Variants in SLC16A10 observed in about 807,000 individuals in gnomAD.
SLC16A10 encodes the protein monocarboxylate transporter 10.
A neutral mutation model predicts 40.0 loss-of-function variants in SLC16A10; 27 were observed. That is an observed-to-expected ratio of 0.67 (90% CI 0.50 to 0.93). The LOEUF (loss-of-function observed/expected upper bound fraction) is 0.93, where lower values mean the gene tolerates loss of function less well. Among genes scored for constraint, SLC16A10 ranks in the 40% least tolerant of loss-of-function variants. The pLI is 0.00. For synonymous variants in SLC16A10, 213 were observed against 249.8 expected, an observed-to-expected ratio of 0.85 and a Z score of 1.39; for missense variants, 529 against 658.2, an observed-to-expected ratio of 0.80 and a Z score of 2.15.
intron 1 of SLC16A10, among the ~76,000 whole-genome samples, chr6:111,113,464 G>T (rs986206285): frequency 1.1e-4 from 16 of 151,942 alleles, no homozygotes; most frequent in Admixed American, 3.3e-4. Context: ...GAGCTCTGGG[G>T]TTTTTTTTGT....
chr6:111,228,173 A>C lies in SLC16A10; in HGVS notation c.*5938A>C, dbSNP rs1386955806. On this transcript the variant is annotated 3_prime_UTR_variant, in exon 6 of 6. Coordinates refer to ENST00000368851, the MANE Select transcript of SLC16A10 (RefSeq NM_018593.5). Reference sequence around the variant, plus strand: ...CTTCGCCAGTGGCTTTTCAAGTTACACTGGAAGCTTGATTATGAAAAAGTT... The same window carrying C: ...CTTCGCCAGTGGCTTTTCAAGTTACCCTGGAAGCTTGATTATGAAAAAGTT... The C allele has an allele frequency of 6.6e-6, 1 of 152,204 alleles. No individual in the cohort carries two copies. The highest frequency in any genetic ancestry group is 1.5e-5 in the Non-Finnish European group (1 of 68,026). 9.4% of individuals were successfully genotyped at this position (152,204 alleles called of 1,614,324 possible).
intron 1 of SLC16A10, among the ~76,000 whole-genome samples, chr6:111,156,557 A>T (rs778380482): frequency 3.9e-5 from 6 of 152,244 alleles, no homozygotes; most frequent in Non-Finnish European, 7.3e-5. Flanking sequence ...ATTGAGGGAC[A>T]TGCTACTTAA....
intron 1 of SLC16A10, among the ~76,000 whole-genome samples, chr6:111,157,769 T>C (rs905284121): frequency 1.3e-5 from 2 of 152,108 alleles, no homozygotes; most frequent in African/African-American, 4.8e-5. Flanking sequence ...CATAATGATA[T>C]AAACAAGTGA....
At chr6:111,130,638 C>T (rs553366559) in intron 1 of SLC16A10, among the ~76,000 whole-genome samples, 10 of 152,326 alleles carry the variant, frequency 6.6e-5, no homozygotes, top group African/African-American at 2.2e-4. Flanking sequence ...TGCTACTTAC[C>T]AGCACCTCTG....
Position 111,161,222 on chromosome 6 carries a change from C to CAAAAAAAA in SLC16A10, c.344-11456_344-11449dup, listed in dbSNP as rs57463212. Among the ~76,000 whole-genome samples, 52 of 42,340 alleles carry CAAAAAAAA rather than the reference C, an allele frequency of 1.2e-3. 1 individual carries two copies. Among genetic ancestry groups the CAAAAAAAA allele is most frequent in the Non-Finnish European group, 1.7e-3 (42 of 25,226 alleles). 27.8% of individuals were successfully genotyped at this position (42,340 alleles called of 152,430 possible). Reference sequence around the variant, plus strand: ...TGGCTGACATAGCGAGACAGTGTCTCAAAAAAAAAAAAAAAAAAAAAAAAG... The same window carrying CAAAAAAAA: ...TGGCTGACATAGCGAGACAGTGTCTCAAAAAAAAAAAAAAAAAAAAAAAAAAAAAAAAG... On this transcript the variant is annotated intron_variant, in intron 1 of 5. Transcript: ENST00000368851.
chr6:111,202,456 C>A (rs1773183437), intron 3 of SLC16A10, among the ~76,000 whole-genome samples: 1 of 151,736 alleles, frequency 6.6e-6, no homozygotes, highest in Non-Finnish European at 1.5e-5. Context: ...CAAGCCTGGG[C>A]AACAGAGTGA....
intron 1 of SLC16A10, 108 bp from the exon 2 acceptor site, chr6:111,172,586 CA>C (rs1433541102): frequency 2.2e-6 from 3 of 1,362,186 alleles, no homozygotes; most frequent in Non-Finnish European, 2.9e-6. Context: ...GCACTATACT[CA>C]AAAAAACTAA....
chr6:111,170,574 T>C (rs1402573969), intron 1 of SLC16A10, among the ~76,000 whole-genome samples: 1 of 152,068 alleles, frequency 6.6e-6, no homozygotes, highest in Admixed American at 6.5e-5. Flanking sequence ...CTCAGCCTCC[T>C]GAGTAGCTGG....
At position 111,218,852 on chromosome 6, in the gene SLC16A10, G is replaced by GATTC; in HGVS notation, c.1126_1129dup (p.Pro377HisfsTer5). On this transcript the variant is annotated frameshift_variant, in exon 5 of 6. Coordinates refer to ENST00000368851, the MANE Select transcript of SLC16A10 (RefSeq NM_018593.5). LOFTEE classifies it high-confidence loss of function. Reference sequence around the variant, plus strand: ...TCTTCATTGGTCTGATGTCCATGATGATTCCTCTGTGTAGCATCTTTGGGG... The same window carrying GATTC: ...TCTTCATTGGTCTGATGTCCATGATGATTCATTCCTCTGTGTAGCATCTTTGGGG... 6.2e-7 allele frequency: 1 copy of GATTC among 1,614,146 alleles called. No individual in the cohort carries two copies. Among genetic ancestry groups the GATTC allele is most frequent in the Non-Finnish European group, 8.5e-7 (1 of 1,180,026 alleles).
At position 111,227,673 on chromosome 6, in the gene SLC16A10, G is replaced by C. The variant is rs1326663243; in HGVS notation, c.*5438G>C. 1 of 152,044 alleles carries C rather than the reference G, an allele frequency of 6.6e-6. No homozygotes were observed. The highest frequency in any genetic ancestry group is 1.5e-5 in the Non-Finnish European group (1 of 68,022). The allele number at this position is 152,044 out of a possible 1,614,324, so 9.4% of individuals were successfully genotyped here. On this transcript the variant is annotated 3_prime_UTR_variant, in exon 6 of 6. Transcript: ENST00000368851. The stretch of plus-strand genomic sequence containing the variant: ...CTAAAGGGGTGTAATCTTGCTTTCT[G>C]GGGAAATAAAATTCCCCATGGTACT...
At chr6:111,154,621 A>T (rs915913674) in intron 1 of SLC16A10, among the ~76,000 whole-genome samples, 4 of 152,176 alleles carry the variant, frequency 2.6e-5, no homozygotes, top group Non-Finnish European at 5.9e-5. Flanking sequence ...CATTGGCCTT[A>T]TAGTGGAGGT....
chr6:111,193,434 C>T (rs1562428868), intron 3 of SLC16A10: 2 of 491,380 alleles, frequency 4.1e-6, no homozygotes, highest in Non-Finnish European at 5.3e-6. Flanking sequence ...CTTGTTTACT[C>T]ATTCATGGGG....
chr6:111,087,975 C>G lies in SLC16A10; in HGVS notation c.223C>G (p.Leu75Val). The G allele has an allele frequency of 6.2e-7, 1 of 1,611,252 alleles. No homozygotes were observed. Among genetic ancestry groups the G allele is most frequent in the Non-Finnish European group, 8.5e-7 (1 of 1,179,094 alleles). ...PEGGWGWLVM[L>V]AAMWCNGSVF... ...GGGCGGCTGGGGCTGGCTGGTGATG[C>G]TGGCGGCCATGTGGTGCAACGGGTC... The change falls in exon 1 of 6, where the codon CTG (leucine) becomes GTG (valine). Residue 75 changes from leucine to valine, a missense_variant. Coordinates refer to ENST00000368851, the MANE Select transcript of SLC16A10 (RefSeq NM_018593.5).
chr6:111,139,468 A>T (rs1771942114), intron 1 of SLC16A10, among the ~76,000 whole-genome samples: 1 of 151,914 alleles, frequency 6.6e-6, no homozygotes, highest in African/African-American at 2.4e-5. Flanking sequence ...CATCCAGCTA[A>T]TTTTTTTATT....
intron 1 of SLC16A10, chr6:111,091,175 C>G (rs1770968531): frequency 6.6e-6 from 1 of 152,132 alleles, no homozygotes. Context: ...TTATCTGACT[C>G]TAAGAGCTGG....
chr6:111,100,988 CTCTCTA>C (rs1459926828), intron 1 of SLC16A10, among the ~76,000 whole-genome samples: 933 of 77,498 alleles, frequency 0.012, 3 homozygotes, highest in African/African-American at 0.017. Flanking sequence ...CTCTCTCTCT[CTCTCTA>C]TATATATATA....
At chr6:111,195,144 A>G (rs1445290480) in intron 3 of SLC16A10, among the ~76,000 whole-genome samples, 1 of 152,212 alleles carries the variant, frequency 6.6e-6, no homozygotes, top group Non-Finnish European at 1.5e-5. Context: ...ACCTATATAC[A>G]TAATGTTTTT....
At chr6:111,105,151 A>G (rs1771261286) in intron 1 of SLC16A10, among the ~76,000 whole-genome samples, 1 of 152,080 alleles carries the variant, frequency 6.6e-6, no homozygotes, top group Non-Finnish European at 1.5e-5. Context: ...TATTTTTAAG[A>G]TGTTCTAGAC....
chr6:111,118,603 ACTGG>A (rs1264926074), intron 1 of SLC16A10, among the ~76,000 whole-genome samples: 2 of 150,156 alleles, frequency 1.3e-5, no homozygotes, highest in African/African-American at 2.5e-5. Flanking sequence ...ATTCCTTGAA[ACTGG>A]GAGGTGGAGG....
Sources: allele counts gnomAD v4.1 joint callset (sites outside exome capture counted in the v4.1 genomes callset), GRCh38; gene constraint gnomAD v4.1.1; transcripts MANE v1.5; gene names NCBI Gene and HGNC (gene_info 2026-07-23, HGNC 2026-07-21).